PTTG1IP: variants seen among roughly 807,000 people sequenced by gnomAD.
PTTG1IP encodes PTTG1 interacting protein.
Under a neutral mutation model 24.4 loss-of-function variants are expected in PTTG1IP, and 16 were observed. The ratio of observed to expected loss-of-function variants is 0.66; its 90% confidence interval spans 0.44 to 1.00. PTTG1IP has a LOEUF of 1.00. PTTG1IP is among the 50% of genes least tolerant of loss of function. The pLI, the probability that PTTG1IP is intolerant of heterozygous loss-of-function variation, is 0.00. For missense variants in PTTG1IP, 241 were observed against 245.8 expected, an observed-to-expected ratio of 0.98 and a Z score of 0.13; for synonymous variants, 89 against 96.8, an observed-to-expected ratio of 0.92 and a Z score of 0.47.
chr21:44,864,071 A>G (rs762680334), intron 2 of PTTG1IP, among the ~76,000 whole-genome samples: 6 of 152,244 alleles, frequency 3.9e-5, no homozygotes, highest in Non-Finnish European at 7.3e-5. Context: ...CATATCATGA[A>G]ACCTCATTGC....
chr21:44,853,272 C>G (rs907411371), intron 5 of PTTG1IP, among the ~76,000 whole-genome samples: 1 of 152,160 alleles, frequency 6.6e-6, no homozygotes, highest in African/African-American at 2.4e-5. Context: ...CTCTGGGAGG[C>G]CGAGGCGGGC....
intron 1 of PTTG1IP, among the ~76,000 whole-genome samples, chr21:44,869,043 G>T (rs751997326): frequency 3.9e-5 from 6 of 152,210 alleles, no homozygotes; most frequent in African/African-American, 1.4e-4. Flanking sequence ...TCACTGTGCC[G>T]TGCTCCTGCC....
chr21:44,851,574 G>T lies in PTTG1IP; in HGVS notation c.*7C>A, dbSNP rs372020218. 9 of 1,607,800 alleles carry T rather than the reference G, an allele frequency of 5.6e-6. No individual in the cohort carries two copies. Among genetic ancestry groups the T allele is most frequent in the Non-Finnish European group, 6.8e-6 (8 of 1,174,490 alleles). ...AGGAAGCGTCGGGACTGATGTGCTG[G>T]AGCGCTTTAGTTGTTTTCAAATCTA... On this transcript the variant is annotated 3_prime_UTR_variant, in exon 6 of 6. Transcript: ENST00000330938.
At chr21:44,860,865 A>G (rs1278208542) in intron 3 of PTTG1IP, among the ~76,000 whole-genome samples, 2 of 151,990 alleles carry the variant, frequency 1.3e-5, no homozygotes, top group African/African-American at 4.8e-5. Flanking sequence ...GTGCAGTGGC[A>G]CGATCTCGGC....
At chr21:44,857,686 G>A (rs768755584) in intron 3 of PTTG1IP, among the ~76,000 whole-genome samples, 7 of 152,218 alleles carry the variant, frequency 4.6e-5, no homozygotes, top group Non-Finnish European at 8.8e-5. Flanking sequence ...GGAGGCCGAC[G>A]GCCAGGCCTC....
chr21:44,863,812 A>C (rs2083513133), intron 2 of PTTG1IP, among the ~76,000 whole-genome samples: 2 of 152,244 alleles, frequency 1.3e-5, no homozygotes, highest in African/African-American at 4.8e-5. Flanking sequence ...TTCAATTTTT[A>C]ATCAGCAAAT....
chr21:44,868,772 CCCCAAAGATGCCAAG>C (rs2083562469), intron 1 of PTTG1IP, among the ~76,000 whole-genome samples: 1 of 152,154 alleles, frequency 6.6e-6, no homozygotes, highest in African/African-American at 2.4e-5. Context: ...GGCAAGAATT[CCCCAAAGATGCCAAG>C]TCCACTGGGT....
At chr21:44,867,025 A>G (rs2083547233) in intron 1 of PTTG1IP, among the ~76,000 whole-genome samples, 2 of 152,368 alleles carry the variant, frequency 1.3e-5, no homozygotes, top group South Asian at 4.1e-4. Context: ...GGACCTGCGC[A>G]GGAAGGCTCC....
chr21:44,872,361 A>G (rs2083593873), intron 1 of PTTG1IP, among the ~76,000 whole-genome samples: 1 of 152,232 alleles, frequency 6.6e-6, no homozygotes, highest in Non-Finnish European at 1.5e-5. Context: ...TAAGGTCACA[A>G]AAAGAAAAGG....
At chr21:44,861,650 G>C (rs776897199) in intron 2 of PTTG1IP, 31 of 706,840 alleles carry the variant, frequency 4.4e-5, no homozygotes, top group Non-Finnish European at 8.1e-5. Context: ...CATCTGTGTG[G>C]CTCCCCACTG....
rs746151007 is a variant in PTTG1IP at position 44,856,314 on chromosome 21, G to T, written c.328C>A (p.Leu110Ile). The T allele has an allele frequency of 2.9e-5, 47 of 1,614,064 alleles. No homozygotes were observed. Among genetic ancestry groups the T allele is most frequent in the Non-Finnish European group, 3.8e-5 (45 of 1,180,036 alleles). Residue 110 changes from leucine (L) to isoleucine (I), a missense_variant, in exon 4 of 6, where the codon CTC becomes ATC. Physicochemically the swap from Leu to Ile is conservative, Grantham distance 5. Coordinates refer to ENST00000330938, the MANE Select transcript of PTTG1IP (RefSeq NM_004339.4). ...CAGCAGCAGATGGCAATGCCCAGGA[G>T]GAGGGTTCCCCCGACTACCGACATG... The part of the protein sequence containing the change: ...ITMSVVGGTL[L>I]LGIAICCCCC...
At chr21:44,863,818 C>T (rs528231915) in intron 2 of PTTG1IP, among the ~76,000 whole-genome samples, 1 of 152,342 alleles carries the variant, frequency 6.6e-6, no homozygotes, top group South Asian at 2.1e-4. Flanking sequence ...TTTTAATCAG[C>T]AAATGCAAGT....
chr21:44,863,194 C>A (rs2083507403), intron 2 of PTTG1IP, among the ~76,000 whole-genome samples: 2 of 130,956 alleles, frequency 1.5e-5, no homozygotes, highest in South Asian at 4.7e-4. Context: ...AGAGACACAG[C>A]CCACCACGGC....
At chr21:44,872,584 C>G (rs2146477176) in intron 1 of PTTG1IP, among the ~76,000 whole-genome samples, 1 of 152,300 alleles carries the variant, frequency 6.6e-6, no homozygotes, top group Admixed American at 6.5e-5. Flanking sequence ...CCATGACACT[C>G]TCCAGCTTAG....
chr21:44,852,798 G>GT (rs1236017516), intron 5 of PTTG1IP, among the ~76,000 whole-genome samples: 1 of 152,170 alleles, frequency 6.6e-6, no homozygotes, highest in African/African-American at 2.4e-5. Flanking sequence ...CAAAAGAAGG[G>GT]TTTTTGCGTG....
chr21:44,873,609 G>A lies in PTTG1IP; in HGVS notation c.8C>T (p.Pro3Leu). The A allele has an allele frequency of 7.0e-7, 1 of 1,434,610 alleles. No homozygotes were observed. The highest frequency in any genetic ancestry group is 1.4e-5 in the South Asian group (1 of 73,220). The allele number at this position is 1,434,610 out of a possible 1,614,324, so 88.9% of individuals were successfully genotyped here. A position where few individuals can be genotyped will look rare whatever the true frequency, so the allele number is the denominator to read the frequency against. Residue 3 changes from proline (P) to leucine (L), a missense_variant, in exon 1 of 6, where the codon CCC becomes CTC. Transcript: ENST00000330938. The stretch of plus-strand genomic sequence containing the variant: ...CGGCGTCGGCCCGCGGGCCACTCCG[G>A]GCGCCATGGTCGGCCGGTCGCTCTA... MA[P>L]GVARGPTPYW...
Position 44,855,256 on chromosome 21 carries a change from C to T in PTTG1IP, c.450G>A (p.Arg150=). ...CATGTCTTGTCTTCATCTCTGCTCT[C>T]CTAAAACACAGAGGAACATTATGAG... ...REERRIRQEE[R]RAEMKTRHDE... is the part of the protein sequence containing the mutation. The change falls in exon 5 of 6, where the codon CGG becomes CGA. Residue 150 remains arginine (R), a splice_region_variant and synonymous_variant. Transcript: ENST00000330938. 1 of 1,611,176 alleles carries T rather than the reference C, an allele frequency of 6.2e-7. No individual in the cohort carries two copies. The highest frequency in any genetic ancestry group is 8.5e-7 in the Non-Finnish European group (1 of 1,177,320).
At chr21:44,857,643 T>C (rs891770183) in intron 3 of PTTG1IP, among the ~76,000 whole-genome samples, 1 of 152,148 alleles carries the variant, frequency 6.6e-6, no homozygotes, top group African/African-American at 2.4e-5. Flanking sequence ...GGGCTGGGAG[T>C]TGAACACTTG....
intron 1 of PTTG1IP, 33 bp from the exon 2 acceptor site, chr21:44,865,480 C>T (rs1405553347): frequency 1.9e-6 from 3 of 1,610,756 alleles, no homozygotes; most frequent in Admixed American, 1.7e-5. Context: ...AAGTCAGTCA[C>T]TGAGAATCAG....
Sources: gnomAD v4.1 joint callset for allele counts (sites outside exome capture counted in the v4.1 genomes callset) on GRCh38, gnomAD v4.1.1 for gene constraint, MANE v1.5 for transcripts, NCBI Gene and HGNC (gene_info 2026-07-23, HGNC 2026-07-21) for gene names.